AAK1: variants seen among roughly 807,000 people sequenced by gnomAD.
AAK1 encodes the protein AP2 associated kinase 1, also known as AP2-associated protein kinase 1.
AAK1 carries 37 observed loss-of-function variants against 116.0 expected under a neutral mutation model. The observed-to-expected ratio is 0.32, with a 90% CI of 0.25 to 0.42. The LOEUF (loss-of-function observed/expected upper bound fraction) is 0.42, where lower values mean the gene tolerates loss of function less well. Ranked by LOEUF, AAK1 falls within the 10% of genes least tolerant of loss-of-function variation. The pLI is 1.00. For missense variants in AAK1, 919 were observed against 1,170.6 expected, an observed-to-expected ratio of 0.79 and a Z score of 3.14; for synonymous variants, 458 against 439.9, an observed-to-expected ratio of 1.04 and a Z score of -0.51.
chr2:69,468,489 C>T lies in AAK1; in HGVS notation c.*7380G>A. 1 of 985,346 alleles carries T rather than the reference C, an allele frequency of 1.0e-6. No individual in the cohort carries two copies. 61.0% of individuals were successfully genotyped at this position (985,346 alleles called of 1,614,324 possible). A position where few individuals can be genotyped will look rare whatever the true frequency, so the allele number is the denominator to read the frequency against. On this transcript the variant is annotated 3_prime_UTR_variant, in exon 22 of 22. Transcript: ENST00000409085. ...CACAATTTCTCATCTTCCAAAACTA[C>T]CTTGAAAGTTGATGTTATTAAGCTT...
At position 69,463,138 on chromosome 2, in the gene AAK1, G is replaced by A. The variant is rs931197227; in HGVS notation, c.*12731C>T. The A allele has an allele frequency of 3.5e-4, 53 of 152,070 alleles. No individual in the cohort carries two copies. Among genetic ancestry groups the A allele is most frequent in the African/African-American group, 1.2e-3 (49 of 41,378 alleles). 9.4% of individuals were successfully genotyped at this position (152,070 alleles called of 1,614,324 possible). A position where few individuals can be genotyped will look rare whatever the true frequency, so the allele number is the denominator to read the frequency against. On this transcript the variant is annotated 3_prime_UTR_variant, in exon 22 of 22. Transcript: ENST00000409085. ...CACCTAATCAACCGCAATAGAATTGGGCATTCAGACTTGATTCTTAGATGA... is the reference window on the plus strand; with the variant it reads ...CACCTAATCAACCGCAATAGAATTGAGCATTCAGACTTGATTCTTAGATGA...
rs543158469 is a variant in AAK1 at position 69,458,966 on chromosome 2, A to C, written c.*16903T>G. The C allele has an allele frequency of 1.3e-5, 2 of 152,418 alleles. No homozygotes were observed. Among genetic ancestry groups the C allele is most frequent in the African/African-American group, 4.8e-5 (2 of 41,580 alleles). 9.4% of individuals were successfully genotyped at this position (152,418 alleles called of 1,614,324 possible). On this transcript the variant is annotated 3_prime_UTR_variant, in exon 22 of 22. Coordinates refer to ENST00000409085, the MANE Select transcript of AAK1 (RefSeq NM_014911.5). ...ATGCAGGTAACACTAACTTGATTTC[A>C]AGAACATTGTCAAAACTGGGGTACA...
At chr2:69,633,776 T>A (rs1165353288) in intron 2 of AAK1, among the ~76,000 whole-genome samples, 1 of 152,190 alleles carries the variant, frequency 6.6e-6, no homozygotes, top group East Asian at 1.9e-4. Context: ...CCAGAGGAAC[T>A]AAGCCAGTAA....
At chr2:69,594,199 A>G (rs1040127791) in intron 2 of AAK1, among the ~76,000 whole-genome samples, 1 of 152,194 alleles carries the variant, frequency 6.6e-6, no homozygotes, top group Non-Finnish European at 1.5e-5. Flanking sequence ...GTTTTAGCAC[A>G]ATTGTTCAAC....
At position 69,475,441 on chromosome 2, in the gene AAK1, C is replaced by T. The variant is rs1674818599; in HGVS notation, c.*428G>A. 1 of 1,002,380 alleles carries T rather than the reference C, an allele frequency of 1.0e-6. No individual in the cohort carries two copies. The highest frequency in any genetic ancestry group is 1.7e-5 in the African/African-American group (1 of 57,704). 62.1% of individuals were successfully genotyped at this position (1,002,380 alleles called of 1,614,324 possible). A position where few individuals can be genotyped will look rare whatever the true frequency, so the allele number is the denominator to read the frequency against. On this transcript the variant is annotated 3_prime_UTR_variant, in exon 22 of 22. Transcript: ENST00000409085. ...GATAAAAAGCAAAAACAGGGAAATA[C>T]ATTCATCAGCATCTGGCCAAAGGAG...
At chr2:69,524,417 GT>G (rs747533022) in intron 10 of AAK1, among the ~76,000 whole-genome samples, 1 of 47,982 alleles carries the variant, frequency 2.1e-5, no homozygotes, top group African/African-American at 1.3e-4. Context: ...TTCTTTTTTT[GT>G]TTTGTTTTGT....
rs1674686140 is a variant in AAK1 at position 69,471,675 on chromosome 2, A to T, written c.*4194T>A. 2.0e-6 allele frequency: 2 copies of T among 985,008 alleles called. No homozygotes were observed. The highest frequency in any genetic ancestry group is 4.7e-5 in the South Asian group (1 of 21,270). 61.0% of individuals were successfully genotyped at this position (985,008 alleles called of 1,614,324 possible). On this transcript the variant is annotated 3_prime_UTR_variant, in exon 22 of 22. Transcript: ENST00000409085. The stretch of plus-strand genomic sequence containing the variant: ...AAGGACTCTGGGAAATCACAGAAAA[A>T]CCTTATCAAGAGAGACTTTATTTTG...
intron 2 of AAK1, among the ~76,000 whole-genome samples, chr2:69,577,176 C>A (rs550273132): frequency 6.6e-6 from 1 of 152,340 alleles, no homozygotes; most frequent in South Asian, 2.1e-4. Context: ...CTGTCTTCTG[C>A]CCAAAATCTG....
chr2:69,530,264 A>G, intron 7 of AAK1, 124 bp from the exon 8 acceptor site: 1 of 1,018,558 alleles, frequency 9.8e-7, no homozygotes, highest in Middle Eastern at 3.2e-4. Context: ...CTATTAATGT[A>G]TTAGAAACAT....
intron 3 of AAK1, among the ~76,000 whole-genome samples, chr2:69,554,461 A>T (rs1671309902): frequency 6.6e-6 from 1 of 152,232 alleles, no homozygotes; most frequent in African/African-American, 2.4e-5. Flanking sequence ...GTCCACCAGG[A>T]ATTCAGTTGA....
chr2:69,509,609 G>A (rs904387879), intron 13 of AAK1, 149 bp from the exon 14 acceptor site: 1 of 671,108 alleles, frequency 1.5e-6, no homozygotes, highest in Non-Finnish European at 2.5e-6. Flanking sequence ...ATAATGCCCA[G>A]AAAGAAAAAT....
intron 2 of AAK1, among the ~76,000 whole-genome samples, chr2:69,577,439 C>T (rs1672358699): frequency 6.6e-6 from 1 of 151,934 alleles, no homozygotes; most frequent in Non-Finnish European, 1.5e-5. Context: ...AGGAACTAGA[C>T]TACTCTGTAG....
intron 2 of AAK1, among the ~76,000 whole-genome samples, chr2:69,606,117 G>A (rs577782919): frequency 6.6e-6 from 1 of 152,268 alleles, no homozygotes; most frequent in South Asian, 2.1e-4. Context: ...TCACTCAGAA[G>A]AACCATCTTT....
intron 2 of AAK1, among the ~76,000 whole-genome samples, chr2:69,577,107 A>G (rs1672345797): frequency 1.3e-5 from 2 of 152,194 alleles, no homozygotes; most frequent in South Asian, 2.1e-4. Context: ...GGCGAGTACT[A>G]TTACACCAGT....
intron 2 of AAK1, among the ~76,000 whole-genome samples, chr2:69,588,005 C>T (rs1672865829): frequency 6.6e-6 from 1 of 151,994 alleles, no homozygotes; most frequent in African/African-American, 2.4e-5. Flanking sequence ...TCAAGCGATC[C>T]TCCTACCTCA....
At chr2:69,559,262 T>TCACACACACACA (rs375580392) in intron 2 of AAK1, among the ~76,000 whole-genome samples, 1 of 127,178 alleles carries the variant, frequency 7.9e-6, no homozygotes, top group Non-Finnish European at 1.7e-5. Context: ...TCTCTCTCTC[T>TCACACACACACA]CACACACACA....
chr2:69,555,472 C>A (rs1671353559), intron 3 of AAK1, among the ~76,000 whole-genome samples: 1 of 152,218 alleles, frequency 6.6e-6, no homozygotes, highest in South Asian at 2.1e-4. Context: ...ATAGGGTGAA[C>A]AGGGGCAAGC....
rs763085228 is a variant in AAK1 at position 69,466,266 on chromosome 2, G to C, written c.*9603C>G. The C allele has an allele frequency of 1.8e-5, 23 of 1,289,752 alleles. No homozygotes were observed. Among genetic ancestry groups the C allele is most frequent in the East Asian group, 1.7e-4 (3 of 18,006 alleles). 79.9% of individuals were successfully genotyped at this position (1,289,752 alleles called of 1,614,324 possible). The stretch of plus-strand genomic sequence containing the variant: ...GGCTCCTCCCAGCTTCCCCGGGGGG[G>C]GTCTGCAGCTCTCATCTTCTTCTTC... On this transcript the variant is annotated 3_prime_UTR_variant, in exon 22 of 22. Coordinates refer to ENST00000409085, the MANE Select transcript of AAK1 (RefSeq NM_014911.5).
chr2:69,544,893 G>A (rs13389372), intron 3 of AAK1, among the ~76,000 whole-genome samples: 5,610 of 152,232 alleles, frequency 0.037, 362 homozygotes, highest in African/African-American at 0.13. Flanking sequence ...TAGAGAGACC[G>A]TGTGAACTAC....
Sources: allele counts gnomAD v4.1 joint callset (sites outside exome capture counted in the v4.1 genomes callset), GRCh38; gene constraint gnomAD v4.1.1; transcripts MANE v1.5; gene names NCBI Gene and HGNC (gene_info 2026-07-23, HGNC 2026-07-21).